CAPN15: variants seen among roughly 807,000 people sequenced by gnomAD.
CAPN15 encodes the protein calpain 15, also known as calpain-15.
CAPN15 carries 53 observed loss-of-function variants against 97.9 expected under a neutral mutation model. The ratio of observed to expected loss-of-function variants is 0.54; its 90% confidence interval spans 0.43 to 0.68. The LOEUF is 0.68. CAPN15 is among the 30% of genes least tolerant of loss of function. CAPN15 has a pLI of 0.00. For synonymous variants in CAPN15, 922 were observed against 722.5 expected, an observed-to-expected ratio of 1.28 and a Z score of -4.43; for missense variants, 1,592 against 1,589.8, an observed-to-expected ratio of 1.00 and a Z score of -0.02.
intron 1 of CAPN15, among the ~76,000 whole-genome samples, chr16:528,572 T>G (rs2033020360): frequency 6.6e-6 from 1 of 152,210 alleles, no homozygotes; most frequent in Admixed American, 6.5e-5. Flanking sequence ...CGGCACCAGC[T>G]GGGAAGTTGC....
chr16:542,988 T>G (rs58497981), intron 3 of CAPN15, among the ~76,000 whole-genome samples: 1 of 149,882 alleles, frequency 6.7e-6, no homozygotes, highest in Non-Finnish European at 1.5e-5. Flanking sequence ...GAGGCGGAGG[T>G]TGCAGTGAGC....
At chr16:533,798 G>C (rs921056160) in intron 1 of CAPN15, 148 bp from the exon 2 acceptor site, 1 of 205,470 alleles carries the variant, frequency 4.9e-6, no homozygotes, top group Non-Finnish European at 8.6e-6. Flanking sequence ...ACAGAAGCTC[G>C]GACAGCTTCT....
At chr16:548,918 G>A in intron 4 of CAPN15, 75 bp from the exon 5 acceptor site, 1 of 1,388,420 alleles carries the variant, frequency 7.2e-7, no homozygotes, top group Non-Finnish European at 1.0e-6. Flanking sequence ...GCGCTCTCCT[G>A]GGTGGGGTCT....
rs771607410 is a variant in CAPN15, at chr16:547,392, C to T, written c.554C>T (p.Pro185Leu). 9.2e-5 allele frequency: 144 copies of T among 1,561,660 alleles called. No homozygotes were observed. Among genetic ancestry groups the T allele is most frequent in the Non-Finnish European group, 1.2e-4 (139 of 1,161,112 alleles). Reference sequence around the variant, plus strand: ...ATCCCTCCTGAGGCCCTGGTGGTCCCGGAAGTGGTGGCCCCGGCCGGCTTC... The same window carrying T: ...ATCCCTCCTGAGGCCCTGGTGGTCCTGGAAGTGGTGGCCCCGGCCGGCTTC... Reference protein sequence around the residue: ...PRIPPEALVVPEVVAPAGFHV... With the variant: ...PRIPPEALVVLEVVAPAGFHV... Residue 185 changes from proline to leucine, a missense_variant, in exon 4 of 14, where the codon CCG (proline) becomes CTG (leucine). Pro to Leu is a moderately conservative substitution (Grantham distance 98, BLOSUM62 -3). Transcript: ENST00000219611.
At chr16:538,011 G>A (rs1264675548) in intron 3 of CAPN15, 1 of 152,264 alleles carries the variant, frequency 6.6e-6, no homozygotes, top group African/African-American at 2.4e-5. Flanking sequence ...CGGACGCAGC[G>A]ATGTCTCAGA....
At chr16:539,556 C>T (rs1219763574) in intron 3 of CAPN15, 1 of 152,320 alleles carries the variant, frequency 6.6e-6, no homozygotes, top group Non-Finnish European at 1.5e-5. Flanking sequence ...AGGGGAGACC[C>T]CAGGAACCGG....
rs2034856233 is a variant in CAPN15 at position 549,736 on chromosome 16, C to T, written c.1964C>T (p.Pro655Leu). The T allele has an allele frequency of 6.3e-7, 1 of 1,583,980 alleles. No homozygotes were observed. Among genetic ancestry groups the T allele is most frequent in the Non-Finnish European group, 8.6e-7 (1 of 1,165,868 alleles). Reference sequence around the variant, plus strand: ...GGCCTGGCCACGCTCACCGGCGCCCCCTGTGAGAGCCTGGCGCTGCAGCTC... The same window carrying T: ...GGCCTGGCCACGCTCACCGGCGCCCTCTGTGAGAGCCTGGCGCTGCAGCTC... ...IEGLATLTGAPCESLALQLSS... is the reference protein window; with the variant it reads ...IEGLATLTGALCESLALQLSS... Residue 655 changes from proline (P) to leucine (L), a missense_variant, in exon 7 of 14, where the codon CCC (proline) becomes CTC (leucine). Pro to Leu is a moderately conservative substitution (Grantham distance 98). Coordinates refer to ENST00000219611, the MANE Select transcript of CAPN15 (RefSeq NM_005632.3).
intron 2 of CAPN15, among the ~76,000 whole-genome samples, chr16:534,338 G>A (rs1020261003): frequency 2.8e-5 from 4 of 140,540 alleles, no homozygotes; most frequent in Non-Finnish European, 6.1e-5. Context: ...TGAGGAGCCT[G>A]TGCACGGCCC....
intron 1 of CAPN15, 59 bp from the exon 2 acceptor site, chr16:533,887 C>A: frequency 1.1e-6 from 1 of 881,128 alleles, no homozygotes; most frequent in Non-Finnish European, 1.4e-6. Context: ...CTCTGTGTTC[C>A]AGGGTCAGAG....
At chr16:539,978 C>T in intron 3 of CAPN15, 1 of 711,332 alleles carries the variant, frequency 1.4e-6, no homozygotes, top group Non-Finnish European at 1.7e-6. Context: ...CTCAGCCTAC[C>T]CCAGGCGGCT....
chr16:551,997 C>T lies in CAPN15; in HGVS notation c.2346-54C>T, dbSNP rs999841047. ...CCTGTGGTTGCGGTAGGCGCTGAGC[C>T]ACGGAGGTGTGGGCCGTGGTAGGCT... On this transcript the variant is annotated intron_variant, in intron 9 of 13. Coordinates refer to ENST00000219611, the MANE Select transcript of CAPN15 (RefSeq NM_005632.3). The T allele has an allele frequency of 2.0e-6, 3 of 1,523,730 alleles. No individual in the cohort carries two copies. In the African/African-American group the frequency reaches 4.1e-5, roughly 21 times the overall value. The allele number at this position is 1,523,730 out of a possible 1,614,324, so 94.4% of individuals were successfully genotyped here.
rs543726554 is a variant in CAPN15 at position 554,018 on chromosome 16, C to G, written c.*502C>G. Reference sequence around the variant, plus strand: ...GGGTCCCTGGAGCCCTGGTGTGGAGCGGCGAGTCCCGGGGCGGTGCCTGTC... The same window carrying G: ...GGGTCCCTGGAGCCCTGGTGTGGAGGGGCGAGTCCCGGGGCGGTGCCTGTC... On this transcript the variant is annotated 3_prime_UTR_variant, in exon 14 of 14. Coordinates refer to ENST00000219611, the MANE Select transcript of CAPN15 (RefSeq NM_005632.3). 1.1e-5 allele frequency: 2 copies of G among 176,810 alleles called. No individual in the cohort carries two copies. Among genetic ancestry groups the G allele is most frequent in the Admixed American group, 5.6e-5 (1 of 17,982 alleles). The allele number at this position is 176,810 out of a possible 1,614,324, so 11.0% of individuals were successfully genotyped here.
At position 553,599 on chromosome 16, in the gene CAPN15, C is replaced by A; in HGVS notation, c.*83C>A. On this transcript the variant is annotated 3_prime_UTR_variant, in exon 14 of 14. Transcript: ENST00000219611. ...TTATGAGGGAGACCCCGACAGAGGA[C>A]GCTTGAGCCAGAATCTCAGGACCCC... 1 of 860,482 alleles carries A rather than the reference C, an allele frequency of 1.2e-6. No individual in the cohort carries two copies. Among genetic ancestry groups the A allele is most frequent in the Non-Finnish European group, 1.7e-6 (1 of 585,168 alleles). 53.3% of individuals were successfully genotyped at this position (860,482 alleles called of 1,614,324 possible). A position where few individuals can be genotyped will look rare whatever the true frequency, so the allele number is the denominator to read the frequency against.
chr16:548,146 C>T lies in CAPN15; in HGVS notation c.1308C>T (p.His436=). 1 of 1,532,060 alleles carries T rather than the reference C, an allele frequency of 6.5e-7. No individual in the cohort carries two copies. The highest frequency in any genetic ancestry group is 2.0e-5 in the Admixed American group (1 of 48,824). 94.9% of individuals were successfully genotyped at this position (1,532,060 alleles called of 1,614,324 possible). Residue 436 remains histidine, a synonymous_variant, in exon 4 of 14, where the codon CAC becomes CAT. Coordinates refer to ENST00000219611, the MANE Select transcript of CAPN15 (RefSeq NM_005632.3). ...GGGCCAAGCACTGCGCCGCCTGCCA[C>T]ACGCCTCAGCTCCTGGTGGCCCAGC... ...ALRAKHCAAC[H]TPQLLVAQRR...
Position 552,251 on chromosome 16 carries a change from G to C in CAPN15, c.2507+39G>C, listed in dbSNP as rs766155989. 3.3e-6 allele frequency: 5 copies of C among 1,535,036 alleles called. No homozygotes were observed. The South Asian group carries it at 6.0e-5, about 18-fold the overall frequency. ...GGCCCCATCGGGCTGGGCTGGGCTA[G>C]GCTGGCGGCCGTGACCACGCGTGAC... On this transcript the variant is annotated intron_variant, in intron 10 of 13. Coordinates refer to ENST00000219611, the MANE Select transcript of CAPN15 (RefSeq NM_005632.3). The surrounding 1 kb of genome is among the most constrained non-coding windows in gnomAD (Gnocchi z 6.4).
intron 9 of CAPN15, 191 bp from the exon 10 acceptor site, chr16:551,860 C>T (rs902067550): frequency 8.2e-6 from 8 of 980,988 alleles, no homozygotes; most frequent in African/African-American, 3.2e-5. Context: ...TTCCAGCGCC[C>T]TGAAGAGCCG....
rs1462257210 is a variant in CAPN15, at chr16:537,149, T to TC, written c.-23+1009dup. ...TTCTCTGCAGGGTCCTCTCTTCTCT[T>TC]CCGAGCACCCACGGGAGGGGACTGT... On this transcript the variant is annotated intron_variant, in intron 3 of 13. Transcript: ENST00000219611. The TC allele has an allele frequency of 3.0e-6, 3 of 985,460 alleles. No individual in the cohort carries two copies. The East Asian group carries it at 3.4e-4, about 112-fold the overall frequency. 61.0% of individuals were successfully genotyped at this position (985,460 alleles called of 1,614,324 possible).
chr16:550,238 C>CT (rs751396721), intron 7 of CAPN15, among the ~76,000 whole-genome samples: 119 of 152,356 alleles, frequency 7.8e-4, no homozygotes, highest in Non-Finnish European at 1.6e-3. Flanking sequence ...GGGGCCTCCT[C>CT]GGAGTGCCCC....
intron 3 of CAPN15, among the ~76,000 whole-genome samples, chr16:536,693 G>A (rs542514443): frequency 6.6e-6 from 1 of 152,284 alleles, no homozygotes; most frequent in African/African-American, 2.4e-5. Flanking sequence ...CACAGTGCTG[G>A]GATTACAGGC....
Sources: allele counts gnomAD v4.1 joint callset (sites outside exome capture counted in the v4.1 genomes callset), GRCh38; gene constraint gnomAD v4.1.1; non-coding constraint Gnocchi (gnomAD v3.1); transcripts MANE v1.5; gene names NCBI Gene and HGNC (gene_info 2026-07-23, HGNC 2026-07-21).